Variants in DIAPH2 observed in about 807,000 individuals in gnomAD.
The protein encoded by DIAPH2 is diaphanous related formin 2, also known as protein diaphanous homolog 2.
Under a neutral mutation model 92.7 loss-of-function variants are expected in DIAPH2, and 35 were observed. The observed-to-expected ratio is 0.38, with a 90% CI of 0.29 to 0.50. The LOEUF is 0.50. DIAPH2 is among the 20% of genes least tolerant of loss of function. DIAPH2 has a pLI of 0.94. For synonymous variants in DIAPH2, 301 were observed against 280.4 expected (o/e 1.07, Z -0.73); for missense variants, 701 against 819.5 (o/e 0.86, Z 1.77).
At chrX:97,394,008 G>A (rs899096466) in intron 25 of DIAPH2, among the ~76,000 whole-genome samples, 1 of 111,785 alleles carries the variant, frequency 8.9e-6, no homozygotes, top group African/African-American at 3.2e-5. Context: ...TTAAACTCTG[G>A]TTGATAGCAA....
rs991791466 is a variant in DIAPH2, at chrX:97,492,252, G to A, written c.3241+62507G>A. 3.6e-5 allele frequency among the ~76,000 whole-genome samples: 4 copies of A among 110,737 alleles called. No homozygotes were observed. The Admixed American group carries it at 3.9e-4, about 11-fold the overall frequency. The stretch of plus-strand genomic sequence containing the variant: ...AATTCAAGACCAGCCTGGGCAACAT[G>A]GCAAAACCCTGTCTCTATTAAAAAT... On this transcript the variant is annotated intron_variant, in intron 26 of 26. Transcript: ENST00000324765.
chrX:96,815,249 C>A (rs2064722639), intron 4 of DIAPH2, among the ~76,000 whole-genome samples: 1 of 111,976 alleles, frequency 8.9e-6, no homozygotes, highest in Admixed American at 9.4e-5. Context: ...ATGGTGGATG[C>A]CTCTCCCCCT....
intron 23 of DIAPH2, among the ~76,000 whole-genome samples, chrX:97,293,487 G>C (rs142700814): frequency 9.1e-6 from 1 of 110,094 alleles, no homozygotes; most frequent in Non-Finnish European, 1.9e-5. Flanking sequence ...TCCTGACCTC[G>C]TAATCTGCCC....
At chrX:96,975,238 G>A (rs891362924) in intron 17 of DIAPH2, among the ~76,000 whole-genome samples, 2 of 111,639 alleles carry the variant, frequency 1.8e-5, no homozygotes, top group African/African-American at 6.5e-5. Context: ...GTGTTTCTTA[G>A]TCTAAGAATC....
Position 97,443,939 on chromosome X carries a change from G to C in DIAPH2, c.3241+14194G>C, listed in dbSNP as rs938347386. ...TTGTTTCAGCTTTACATATGTTCTC[G>C]TCAGTCTTTGCAAATACTGTGATGC... On this transcript the variant is annotated intron_variant, in intron 26 of 26. Coordinates refer to ENST00000324765, the MANE Select transcript of DIAPH2 (RefSeq NM_006729.5). 3.6e-5 allele frequency among the ~76,000 whole-genome samples: 4 copies of C among 111,920 alleles called. No homozygotes were observed. The East Asian group carries it at 1.1e-3, about 31-fold the overall frequency.
Position 97,434,409 on chromosome X carries a change from C to CTT in DIAPH2, c.3241+4681_3241+4682dup, listed in dbSNP as rs1168006514. Among the ~76,000 whole-genome samples the CTT allele has an allele frequency of 4.1e-3, 385 of 93,813 alleles. 2 individuals carry two copies. The highest frequency in any genetic ancestry group is 0.014 in the African/African-American group (352 of 25,504). 81.5% of individuals were successfully genotyped at this position (93,813 alleles called of 115,157 possible). On this transcript the variant is annotated intron_variant, in intron 26 of 26. Coordinates refer to ENST00000324765, the MANE Select transcript of DIAPH2 (RefSeq NM_006729.5). ...CTAAGAAGACATTTGGGTTACTAAA[C>CTT]TTTTTTTTTTTTTTTTTTGAGAAGG... is the stretch of plus-strand genomic sequence containing the variant.
intron 1 of DIAPH2, among the ~76,000 whole-genome samples, chrX:96,714,889 A>G (rs185911378): frequency 5.8e-4 from 65 of 111,878 alleles, no homozygotes; most frequent in Non-Finnish European, 1.1e-3. Context: ...AGAAGAGACT[A>G]GACACAAAAG....
intron 5 of DIAPH2, among the ~76,000 whole-genome samples, chrX:96,887,979 GTGTA>G (rs994205105): frequency 9.0e-6 from 1 of 110,648 alleles, no homozygotes; most frequent in Non-Finnish European, 1.9e-5. Flanking sequence ...ATGTGTGTGT[GTGTA>G]TGTGTGTGTG....
chrX:97,399,895 T>A (rs2069738610), intron 25 of DIAPH2, among the ~76,000 whole-genome samples: 1 of 112,608 alleles, frequency 8.9e-6, no homozygotes, highest in South Asian at 3.7e-4. Flanking sequence ...CACACCCAGA[T>A]GTGGAGTTTA....
chrX:97,085,360 A>G (rs2066775796), intron 19 of DIAPH2, among the ~76,000 whole-genome samples: 1 of 112,018 alleles, frequency 8.9e-6, no homozygotes, highest in Non-Finnish European at 1.9e-5. Context: ...TATAGAAATC[A>G]AAGTACCTAA....
At position 97,114,607 on chromosome X, in the gene DIAPH2, C is replaced by T. The variant is rs188891332; in HGVS notation, c.2350-119C>T. ...AAAACAAAAAAGATTTTTAAAATCC[C>T]AGAGCAAACTGACTTTATGCAGAAA... is the stretch of plus-strand genomic sequence containing the variant. On this transcript the variant is annotated intron_variant, in intron 20 of 26. Transcript: ENST00000324765. 441 of 663,905 alleles carry T rather than the reference C, an allele frequency of 6.6e-4. 2 individuals are homozygous for T. In the Admixed American group the frequency reaches 0.02, roughly 30 times the overall value. The allele number at this position is 663,905 out of a possible 1,213,427, so 54.7% of individuals were successfully genotyped here. A position where few individuals can be genotyped will look rare whatever the true frequency, so the allele number is the denominator to read the frequency against.
rs767226474 is a variant in DIAPH2 at position 97,225,454 on chromosome X, T to A, written c.2720-22261T>A. Among the ~76,000 whole-genome samples the A allele has an allele frequency of 1.1e-4, 12 of 112,042 alleles. 1 individual carries two copies. Reference sequence around the variant, plus strand: ...AAGGGTAGCAAGTGAATATTATTTATACTTTTTCATTTAAGATTTTAACAT... The same window carrying A: ...AAGGGTAGCAAGTGAATATTATTTAAACTTTTTCATTTAAGATTTTAACAT... On this transcript the variant is annotated intron_variant, in intron 22 of 26. Transcript: ENST00000324765.
intron 4 of DIAPH2, among the ~76,000 whole-genome samples, chrX:96,790,476 A>T: frequency 8.9e-6 from 1 of 111,803 alleles, no homozygotes; most frequent in African/African-American, 3.2e-5. Flanking sequence ...TTCTGTAATA[A>T]CACATTTTCT....
At chrX:96,826,911 AAGGGC>A (rs1175210746) in intron 4 of DIAPH2, among the ~76,000 whole-genome samples, 1 of 111,562 alleles carries the variant, frequency 9.0e-6, no homozygotes, top group Non-Finnish European at 1.9e-5. Context: ...TAAAGAGGGA[AAGGGC>A]AGGGTCTTAC....
At chrX:97,143,129 T>C (rs928263077) in intron 22 of DIAPH2, among the ~76,000 whole-genome samples, 1 of 111,714 alleles carries the variant, frequency 9.0e-6, no homozygotes, top group African/African-American at 3.2e-5. Context: ...GATGGAAAAT[T>C]ACACAAATTA....
intron 25 of DIAPH2, among the ~76,000 whole-genome samples, chrX:97,428,707 C>T (rs2070096271): frequency 9.0e-6 from 1 of 111,088 alleles, no homozygotes; most frequent in Non-Finnish European, 1.9e-5. Flanking sequence ...CTACCTCACA[C>T]TCACACATTT....
intron 23 of DIAPH2, among the ~76,000 whole-genome samples, chrX:97,275,135 C>T (rs1391272167): frequency 1.2e-4 from 14 of 112,318 alleles, no homozygotes; most frequent in East Asian, 1.1e-3. Flanking sequence ...CATCATGGCC[C>T]GTTCTCAATG....
chrX:96,899,794 C>G (rs1472301639), intron 5 of DIAPH2, among the ~76,000 whole-genome samples: 1 of 109,901 alleles, frequency 9.1e-6, no homozygotes, highest in African/African-American at 3.3e-5. Context: ...GAGGGCATCC[C>G]TGTCTTGTGC....
chrX:96,880,527 T>C (rs2065206452), intron 4 of DIAPH2, among the ~76,000 whole-genome samples: 1 of 111,907 alleles, frequency 8.9e-6, no homozygotes, highest in Admixed American at 9.5e-5. Context: ...TATCCTCTAA[T>C]GATAATACCT....
Sources: allele counts gnomAD v4.1 joint callset (sites outside exome capture counted in the v4.1 genomes callset), GRCh38; gene constraint gnomAD v4.1.1; transcripts MANE v1.5; gene names NCBI Gene and HGNC (gene_info 2026-07-23, HGNC 2026-07-21).